The following SYT1 variants were observed in gnomAD, a reference collection of about 807,000 sequenced individuals.
SYT1 encodes synaptotagmin-1.
A neutral mutation model predicts 44.8 loss-of-function variants in SYT1; 8 were observed. That is an observed-to-expected ratio of 0.18 (90% CI 0.10 to 0.32). The LOEUF is 0.32. Among genes scored for constraint, SYT1 ranks in the 10% least tolerant of loss-of-function variants. The pLI is 1.00. For missense variants in SYT1, 286 were observed against 509.3 expected (o/e 0.56, Z 4.22); for synonymous variants, 154 against 188.8 (o/e 0.82, Z 1.51).
intron 9 of SYT1, among the ~76,000 whole-genome samples, chr12:79,377,017 T>C (rs752934919): frequency 7.9e-5 from 12 of 152,266 alleles, no homozygotes; most frequent in Non-Finnish European, 1.8e-4. Context: ...ATTTCATTCA[T>C]TCGTTCAACA....
chr12:79,047,537 C>T (rs543828723), intron 3 of SYT1, among the ~76,000 whole-genome samples, 175 bp downstream of exon 3: 68 of 151,822 alleles, frequency 4.5e-4, no homozygotes, highest in Admixed American at 1.8e-3. Context: ...TCCTATAATC[C>T]TCTTACATAA....
At chr12:79,099,575 A>G (rs1339994796) in intron 3 of SYT1, among the ~76,000 whole-genome samples, 1 of 152,164 alleles carries the variant, frequency 6.6e-6, no homozygotes, top group East Asian at 1.9e-4. Context: ...CTATCTGTAA[A>G]TACAAAGTAG....
chr12:79,333,527 AG>A (rs1285543485), intron 8 of SYT1, among the ~76,000 whole-genome samples: 1 of 152,190 alleles, frequency 6.6e-6, no homozygotes, highest in African/African-American at 2.4e-5. Context: ...TCAAGTAATC[AG>A]GGCTTTTTTG....
At chr12:79,323,945 T>G (rs1047910533) in intron 8 of SYT1, among the ~76,000 whole-genome samples, 2 of 145,184 alleles carry the variant, frequency 1.4e-5, no homozygotes, top group African/African-American at 2.5e-5. Flanking sequence ...TTGTTTCTAT[T>G]TTCTTTTTTT....
At chr12:79,407,650 G>A (rs1885289554) in intron 9 of SYT1, among the ~76,000 whole-genome samples, 1 of 152,152 alleles carries the variant, frequency 6.6e-6, no homozygotes, top group Non-Finnish European at 1.5e-5. Flanking sequence ...TCACTTTTAG[G>A]TGGGATGTAT....
intron 8 of SYT1, among the ~76,000 whole-genome samples, chr12:79,344,449 C>CT (rs1284895577): frequency 2.0e-5 from 3 of 152,032 alleles, no homozygotes; most frequent in African/African-American, 7.2e-5. Context: ...TTTACTGTCA[C>CT]TTTTTGTTTG....
At chr12:79,417,002 A>G (rs923651462) in intron 9 of SYT1, among the ~76,000 whole-genome samples, 2 of 152,270 alleles carry the variant, frequency 1.3e-5, no homozygotes, top group South Asian at 4.1e-4. Context: ...CAAGATTCCT[A>G]TAATATCTAA....
At chr12:79,392,334 A>G (rs1432513668) in intron 9 of SYT1, 4 of 152,248 alleles carry the variant, frequency 2.6e-5, no homozygotes, top group African/African-American at 9.6e-5. Flanking sequence ...TACATGTCAT[A>G]GGAAAAACAA....
intron 3 of SYT1, among the ~76,000 whole-genome samples, chr12:79,191,329 G>A (rs1323338354): frequency 1.3e-5 from 2 of 151,808 alleles, no homozygotes; most frequent in Admixed American, 6.6e-5. Context: ...TCAACAGTAG[G>A]GTTCTTTCCT....
At chr12:79,406,387 T>C (rs1160992806) in intron 9 of SYT1, among the ~76,000 whole-genome samples, 2 of 152,110 alleles carry the variant, frequency 1.3e-5, no homozygotes, top group Non-Finnish European at 2.9e-5. Context: ...TTCTATACAC[T>C]CTCTGAAACT....
intron 2 of SYT1, among the ~76,000 whole-genome samples, chr12:78,980,823 A>G (rs1000882664): frequency 1.3e-5 from 2 of 152,158 alleles, no homozygotes; most frequent in African/African-American, 4.8e-5. Context: ...AAATTTGCTT[A>G]TAAATAAATG....
In SYT1 at chr12:79,300,923, C is replaced by T. The variant is rs943773464; in HGVS notation, c.810+1372C>T. Among the ~76,000 whole-genome samples, 3 of 146,932 alleles carry T rather than the reference C, an allele frequency of 2.0e-5. No individual in the cohort carries two copies. In the East Asian group the frequency reaches 6.1e-4, roughly 30 times the overall value. ...ATTCAAGAATACCCAGGAAAAATAC[C>T]GAGTTTTAAAATTATATGATTTTAT... On this transcript the variant is annotated intron_variant, in intron 8 of 10. Coordinates refer to ENST00000261205, the MANE Select transcript of SYT1 (RefSeq NM_005639.3).
chr12:79,068,641 G>A (rs1473107695), intron 3 of SYT1, among the ~76,000 whole-genome samples: 1 of 152,056 alleles, frequency 6.6e-6, no homozygotes. Flanking sequence ...ATCACATATG[G>A]ACAACTGATT....
intron 4 of SYT1, among the ~76,000 whole-genome samples, chr12:79,273,601 G>A (rs896522712): frequency 5.3e-5 from 8 of 152,138 alleles, no homozygotes; most frequent in Admixed American, 3.9e-4. Context: ...ACAGGGGAGC[G>A]CCTTAACCCT....
chr12:79,189,584 A>T (rs1872994344), intron 3 of SYT1, among the ~76,000 whole-genome samples: 1 of 152,146 alleles, frequency 6.6e-6, no homozygotes. Flanking sequence ...TATAGAAGAT[A>T]TAATTATCCC....
At chr12:79,202,221 G>A (rs1167551654) in intron 3 of SYT1, among the ~76,000 whole-genome samples, 1 of 152,132 alleles carries the variant, frequency 6.6e-6, no homozygotes, top group East Asian at 1.9e-4. Context: ...GATGGCAATG[G>A]CATTAAGTCC....
At chr12:79,234,305 A>C (rs1451919521) in intron 4 of SYT1, among the ~76,000 whole-genome samples, 2 of 152,210 alleles carry the variant, frequency 1.3e-5, no homozygotes, top group Admixed American at 6.5e-5. Context: ...AATGGTTTAC[A>C]TACAATAAGA....
At chr12:79,186,920 T>A (rs1025091003) in intron 3 of SYT1, among the ~76,000 whole-genome samples, 1 of 152,072 alleles carries the variant, frequency 6.6e-6, no homozygotes, top group Non-Finnish European at 1.5e-5. Flanking sequence ...AGATGACAAA[T>A]GTAAATAATA....
At chr12:79,379,342 T>C (rs1410205374) in intron 9 of SYT1, among the ~76,000 whole-genome samples, 1 of 152,108 alleles carries the variant, frequency 6.6e-6, no homozygotes, top group Non-Finnish European at 1.5e-5. Context: ...TATTTCTGGG[T>C]AATGATTCAA....
Sources: allele counts gnomAD v4.1 joint callset (sites outside exome capture counted in the v4.1 genomes callset), GRCh38; gene constraint gnomAD v4.1.1; transcripts MANE v1.5; gene names NCBI Gene and HGNC (gene_info 2026-07-23, HGNC 2026-07-21).